Variants in GRIK3 observed in about 807,000 individuals in gnomAD.
The protein encoded by GRIK3 is glutamate receptor ionotropic, kainate 3.
In GRIK3, 29 loss-of-function variants were observed where a neutral mutation model predicts 102.5. That is an observed-to-expected ratio of 0.28 (90% CI 0.21 to 0.39). The LOEUF (loss-of-function observed/expected upper bound fraction) is 0.39. Among genes scored for constraint, GRIK3 ranks in the 10% least tolerant of loss-of-function variants. The probability of loss-of-function intolerance (pLI) is 1.00; values close to 1 mark genes in which losing one functional copy is unlikely to be tolerated. For synonymous variants in GRIK3, 511 were observed against 504.9 expected (o/e 1.01, Z -0.16); for missense variants, 908 against 1,252.4 (o/e 0.73, Z 4.15).
At chr1:36,857,489 T>G (rs1640666367) in intron 7 of GRIK3, among the ~76,000 whole-genome samples, 1 of 151,938 alleles carries the variant, frequency 6.6e-6, no homozygotes, top group Admixed American at 6.5e-5. Context: ...CTTCTAGGGG[T>G]GAAGGAACTA....
chr1:36,819,999 T>G lies in GRIK3; in HGVS notation c.1755-145A>C. 1.7e-6 allele frequency: 1 copy of G among 599,106 alleles called. No homozygotes were observed. Among genetic ancestry groups the G allele is most frequent in the South Asian group, 2.1e-5 (1 of 48,124 alleles). 37.1% of individuals were successfully genotyped at this position (599,106 alleles called of 1,614,324 possible). A position where few individuals can be genotyped will look rare whatever the true frequency, so the allele number is the denominator to read the frequency against. ...TGCTGGGAGGCAGGGCAGGGGAATT[T>G]CTTCTTGTTCTTTATTGTTAGTGCC... On this transcript the variant is annotated intron_variant, in intron 11 of 15. Transcript: ENST00000373091. This position sits in a 1 kb window ranked among gnomAD's most constrained non-coding sequence, Gnocchi z 4.1.
intron 2 of GRIK3, among the ~76,000 whole-genome samples, chr1:36,882,053 G>A (rs998052911): frequency 4.2e-4 from 64 of 151,858 alleles, no homozygotes; most frequent in Non-Finnish European, 6.3e-4. Context: ...GGCCTTCACC[G>A]CACAATTTAT....
At position 36,817,090 on chromosome 1, in the gene GRIK3, G is replaced by A; in HGVS notation, c.2061C>T (p.Val687=). The change falls in exon 13 of 16, where the codon GTC becomes GTT. Residue 687 remains valine, a synonymous_variant. Transcript: ENST00000373091. The stretch of plus-strand genomic sequence containing the variant: ...AGAAGGTCATGGTGGCCCCATCCTT[G>A]ACAGCCCCATACTCGATTTTGGTTT... ...AKQTKIEYGA[V]KDGATMTFFK... 1 of 1,614,000 alleles carries A rather than the reference G, an allele frequency of 6.2e-7. No homozygotes were observed. Among genetic ancestry groups the A allele is most frequent in the East Asian group, 2.2e-5 (1 of 44,880 alleles).
rs759149185 is a variant in GRIK3 at position 37,002,152 on chromosome 1, T to C, written c.115+31842A>G. Among the ~76,000 whole-genome samples the C allele has an allele frequency of 3.2e-4, 48 of 152,332 alleles. 2 individuals carry two copies. The highest frequency in any genetic ancestry group is 6.8e-3 in the Middle Eastern group (2 of 294). On this transcript the variant is annotated intron_variant, in intron 1 of 15. Coordinates refer to ENST00000373091, the MANE Select transcript of GRIK3 (RefSeq NM_000831.4). Reference sequence around the variant, plus strand: ...GCTTCTGCCAATGTTGATTTGAATCTCATCCCTTTCAATTACTTATTTTGG... The same window carrying C: ...GCTTCTGCCAATGTTGATTTGAATCCCATCCCTTTCAATTACTTATTTTGG...
intron 5 of GRIK3, among the ~76,000 whole-genome samples, chr1:36,867,767 G>A (rs778321491): frequency 5.3e-5 from 8 of 152,080 alleles, no homozygotes; most frequent in Non-Finnish European, 8.8e-5. Flanking sequence ...TACTGCCCTC[G>A]CCACCCACTC....
intron 9 of GRIK3, 25 bp from the exon 10 acceptor site, chr1:36,841,964 T>C: frequency 6.3e-7 from 1 of 1,585,370 alleles, no homozygotes; most frequent in Non-Finnish European, 8.7e-7. Context: ...GGGCAGGGTG[T>C]GACGAAGACT....
chr1:36,855,094 G>A (rs1483486307), intron 7 of GRIK3, among the ~76,000 whole-genome samples: 1 of 152,184 alleles, frequency 6.6e-6, no homozygotes, highest in Non-Finnish European at 1.5e-5. Flanking sequence ...ATGTGCACTT[G>A]GGAGCAAGAG....
intron 7 of GRIK3, among the ~76,000 whole-genome samples, chr1:36,857,727 A>C (rs1405703784): frequency 6.6e-6 from 1 of 152,190 alleles, no homozygotes; most frequent in African/African-American, 2.4e-5. Context: ...CCTCATCTGG[A>C]AGCAGCGATG....
intron 1 of GRIK3, among the ~76,000 whole-genome samples, chr1:36,912,054 G>C (rs1641351212): frequency 1.3e-5 from 2 of 152,148 alleles, no homozygotes; most frequent in Middle Eastern, 3.4e-3. Context: ...ACTCTTCCAG[G>C]CAGGGTGTCC....
At chr1:37,002,567 C>T (rs1159002514) in intron 1 of GRIK3, among the ~76,000 whole-genome samples, 1 of 152,120 alleles carries the variant, frequency 6.6e-6, no homozygotes, top group East Asian at 1.9e-4. Flanking sequence ...TGTGTTTCAT[C>T]ATCATGTCTT....
chr1:36,827,867 G>A (rs1404365721), intron 10 of GRIK3, among the ~76,000 whole-genome samples: 1 of 152,106 alleles, frequency 6.6e-6, no homozygotes, highest in African/African-American at 2.4e-5. Context: ...CCCCATCACT[G>A]ACACTTGGAG....
At chr1:36,853,939 C>T (rs1260313318) in intron 7 of GRIK3, among the ~76,000 whole-genome samples, 1 of 152,230 alleles carries the variant, frequency 6.6e-6, no homozygotes, top group African/African-American at 2.4e-5. Context: ...TACATTTGCA[C>T]CTTCTCGTGT....
At chr1:36,986,178 T>C (rs1000480451) in intron 1 of GRIK3, among the ~76,000 whole-genome samples, 6 of 152,184 alleles carry the variant, frequency 3.9e-5, no homozygotes, top group African/African-American at 1.4e-4. Flanking sequence ...AGGAGCTGGA[T>C]GCCCAAGAAG....
At chr1:36,963,422 T>C (rs1642037005) in intron 1 of GRIK3, among the ~76,000 whole-genome samples, 1 of 152,108 alleles carries the variant, frequency 6.6e-6, no homozygotes, top group South Asian at 2.1e-4. Flanking sequence ...GGGAGGAGGC[T>C]TGGGAGTTGC....
intron 1 of GRIK3, among the ~76,000 whole-genome samples, chr1:36,911,023 G>T (rs1435618290): frequency 6.6e-6 from 1 of 152,200 alleles, no homozygotes; most frequent in African/African-American, 2.4e-5. Context: ...CACCTGACCT[G>T]CTCGGAGCTG....
chr1:36,927,966 G>T (rs1357328159), intron 1 of GRIK3, among the ~76,000 whole-genome samples: 6 of 152,098 alleles, frequency 3.9e-5, no homozygotes, highest in Non-Finnish European at 8.8e-5. Flanking sequence ...GGGAAGGAGA[G>T]CAGAGGTGGG....
intron 1 of GRIK3, among the ~76,000 whole-genome samples, chr1:36,962,318 T>C (rs1016807230): frequency 1.3e-5 from 2 of 152,096 alleles, no homozygotes; most frequent in Non-Finnish European, 2.9e-5. Flanking sequence ...CCTCACTGAA[T>C]GCATGTTCGG....
Position 36,817,135 on chromosome 1 carries a change from A to T in GRIK3, c.2016T>A (p.Ser672=). Reference sequence around the variant, plus strand: ...TGGTTTGCTTGGCCAGGTCATCAGCAGAGTCAATGGGTGATTCCATGCGCT... The same window carrying T: ...TGGTTTGCTTGGCCAGGTCATCAGCTGAGTCAATGGGTGATTCCATGCGCT... The part of the protein sequence containing the change: ...TVERMESPID[S]ADDLAKQTKI... Residue 672 remains serine, a synonymous_variant, in exon 13 of 16, where the codon TCT becomes TCA. Transcript: ENST00000373091. 6.2e-7 allele frequency: 1 copy of T among 1,614,182 alleles called. No individual in the cohort carries two copies. The highest frequency in any genetic ancestry group is 1.1e-5 in the South Asian group (1 of 91,078).
At chr1:36,917,495 C>T (rs1038081400) in intron 1 of GRIK3, among the ~76,000 whole-genome samples, 13 of 152,092 alleles carry the variant, frequency 8.5e-5, no homozygotes, top group African/African-American at 2.4e-4. Flanking sequence ...TGAATTCCCA[C>T]GTGTTGTGGG....
Sources: allele counts gnomAD v4.1 joint callset (sites outside exome capture counted in the v4.1 genomes callset), GRCh38; gene constraint gnomAD v4.1.1; non-coding constraint Gnocchi (gnomAD v3.1); transcripts MANE v1.5; gene names NCBI Gene and HGNC (gene_info 2026-07-23, HGNC 2026-07-21).